PIWIL4: variants seen among roughly 807,000 people sequenced by gnomAD.
PIWIL4 encodes piwi like RNA-mediated gene silencing 4.
A neutral mutation model predicts 100.9 loss-of-function variants in PIWIL4; 50 were observed. That is an observed-to-expected ratio of 0.50 (90% confidence interval 0.39 to 0.63). PIWIL4 has a LOEUF of 0.63. Ranked by LOEUF, PIWIL4 falls within the 20% of genes least tolerant of loss-of-function variation. PIWIL4 has a pLI of 0.00. For synonymous variants in PIWIL4, 342 were observed against 367.5 expected (o/e 0.93, Z 0.79); for missense variants, 887 against 1,043.3 (o/e 0.85, Z 2.06).
chr11:94,574,498 C>A (rs1399025672), intron 2 of PIWIL4, among the ~76,000 whole-genome samples: 2 of 152,140 alleles, frequency 1.3e-5, no homozygotes, highest in African/African-American at 2.4e-5. Flanking sequence ...AGAACTAACT[C>A]AAGATCTGTT....
At position 94,602,031 on chromosome 11, in the gene PIWIL4, T is replaced by C. The variant is rs527575620; in HGVS notation, c.1565+52T>C. On this transcript the variant is annotated intron_variant, in intron 12 of 19. Transcript: ENST00000299001. ...ATATTAATTTGGTTTGGTTAGAAGG[T>C]AGGGAATAATGGCAGATGTATCAAC... 9.8e-5 allele frequency: 148 copies of C among 1,507,122 alleles called. 1 individual carries two copies. The East Asian group carries it at 3.3e-3, about 34-fold the overall frequency. The allele number at this position is 1,507,122 out of a possible 1,614,324, so 93.4% of individuals were successfully genotyped here.
chr11:94,606,558 G>A (rs931779633), intron 13 of PIWIL4, among the ~76,000 whole-genome samples: 3 of 152,158 alleles, frequency 2.0e-5, no homozygotes, highest in South Asian at 4.1e-4. Context: ...GGCCAGGGGC[G>A]GTGGCTCACG....
chr11:94,618,366 C>A (rs543545189), intron 17 of PIWIL4, among the ~76,000 whole-genome samples: 1 of 152,190 alleles, frequency 6.6e-6, no homozygotes, highest in African/African-American at 2.4e-5. Context: ...ACCCTCAGAG[C>A]AGCTGACACA....
chr11:94,571,312 T>C (rs1948149804), intron 2 of PIWIL4, among the ~76,000 whole-genome samples: 2 of 152,206 alleles, frequency 1.3e-5, no homozygotes, highest in African/African-American at 4.8e-5. Flanking sequence ...ATACTTTAAG[T>C]TCAAGGGTAC....
chr11:94,577,895 C>T (rs1948260130), intron 4 of PIWIL4, among the ~76,000 whole-genome samples: 1 of 152,184 alleles, frequency 6.6e-6, no homozygotes, highest in Non-Finnish European at 1.5e-5. Context: ...GAAACTTTTG[C>T]AAACTTACCC....
intron 3 of PIWIL4, among the ~76,000 whole-genome samples, chr11:94,576,423 C>T (rs907568167): frequency 1.6e-4 from 24 of 152,264 alleles, no homozygotes; most frequent in African/African-American, 5.5e-4. Flanking sequence ...TGTGAGCCAC[C>T]GTGCCCAGCC....
chr11:94,572,797 A>T lies in PIWIL4; in HGVS notation c.167-2202A>T, dbSNP rs955927334. ...GTTCTTTTTTGGTTCCATATGAACT[A>T]TAAAGTAGTTTTTTCCAATTCTGTG... On this transcript the variant is annotated intron_variant, in intron 2 of 19. Coordinates refer to ENST00000299001, the MANE Select transcript of PIWIL4 (RefSeq NM_152431.3). Among the ~76,000 whole-genome samples the T allele has an allele frequency of 4.6e-5, 7 of 152,276 alleles. No individual in the cohort carries two copies. The South Asian group carries it at 1.2e-3, about 27-fold the overall frequency.
rs762775635 is a variant in PIWIL4 at position 94,595,395 on chromosome 11, C to T, written c.1237C>T (p.Arg413Cys). ...TCTCAGTCCTTCAGGCCGGCAGCAGCGCCTGGCCAGGCTTGTGGACAACAT... is the reference window on the plus strand; with the variant it reads ...TCTCAGTCCTTCAGGCCGGCAGCAGTGCCTGGCCAGGCTTGTGGACAACAT... ...TRLSPSGRQQ[R>C]LARLVDNIQR... The change falls in exon 10 of 20, where the codon CGC becomes TGC. Residue 413 changes from arginine to cysteine, a missense_variant. Physicochemically the swap from Arg to Cys is radical, Grantham distance 180. Transcript: ENST00000299001. 16 of 1,613,624 alleles carry T rather than the reference C, an allele frequency of 9.9e-6. No individual in the cohort carries two copies. Among genetic ancestry groups the T allele is most frequent in the Middle Eastern group, 1.6e-4 (1 of 6,084 alleles).
chr11:94,618,254 A>C, intron 17 of PIWIL4, 147 bp downstream of exon 17: 1 of 780,554 alleles, frequency 1.3e-6, no homozygotes, highest in Non-Finnish European at 1.9e-6. Flanking sequence ...GAGCTCTATC[A>C]TTTCCTTCAG....
intron 11 of PIWIL4, among the ~76,000 whole-genome samples, chr11:94,601,350 G>C (rs1032872232): frequency 2.8e-5 from 4 of 145,034 alleles, no homozygotes. Context: ...TGTTCTGTAG[G>C]GTGTGTTAGT....
At position 94,598,705 on chromosome 11, in the gene PIWIL4, CTTTTTT is replaced by C. The variant is rs769342028; in HGVS notation, c.1380+806_1380+811del. ...GTAGAATGGGGGGAATTTTTTCCATCTTTTTTTTTTTTTTTTTTTTTGAGACAGGTC... is the reference window on the plus strand; with the variant it reads ...GTAGAATGGGGGGAATTTTTTCCATCTTTTTTTTTTTTTTTGAGACAGGTC... On this transcript the variant is annotated intron_variant, in intron 11 of 19. Transcript: ENST00000299001. 2.7e-5 allele frequency among the ~76,000 whole-genome samples: 3 copies of C among 110,068 alleles called. No homozygotes were observed. The East Asian group carries it at 8.4e-4, about 31-fold the overall frequency. 72.2% of individuals were successfully genotyped at this position (110,068 alleles called of 152,430 possible).
At chr11:94,572,772 G>A (rs1017654925) in intron 2 of PIWIL4, among the ~76,000 whole-genome samples, 7 of 152,188 alleles carry the variant, frequency 4.6e-5, no homozygotes, top group African/African-American at 9.7e-5. Context: ...GGCAATGTGC[G>A]TTCTTTTTTG....
chr11:94,584,122 A>C (rs1018346859), intron 5 of PIWIL4, among the ~76,000 whole-genome samples: 3 of 152,168 alleles, frequency 2.0e-5, no homozygotes, highest in Non-Finnish European at 4.4e-5. Context: ...GGAGCTCCAT[A>C]AAAGGCATAT....
chr11:94,601,690 T>A (rs1948644341), intron 11 of PIWIL4, 105 bp from the exon 12 acceptor site: 1 of 1,072,122 alleles, frequency 9.3e-7, no homozygotes, highest in Admixed American at 2.0e-5. Flanking sequence ...AATAGCAAAC[T>A]GTGTTAAACA....
chr11:94,604,740 C>T (rs553306752), intron 13 of PIWIL4, among the ~76,000 whole-genome samples: 9 of 152,194 alleles, frequency 5.9e-5, no homozygotes, highest in Admixed American at 5.2e-4. Flanking sequence ...AGGGCTTTTC[C>T]TGTCCATTCC....
At chr11:94,608,756 G>T in intron 15 of PIWIL4, 70 bp downstream of exon 15, 1 of 1,285,830 alleles carries the variant, frequency 7.8e-7, no homozygotes, top group Non-Finnish European at 1.1e-6. Context: ...ACTAAAGAAT[G>T]TAACAGCAAG....
At chr11:94,600,212 C>G (rs1317777533) in intron 11 of PIWIL4, among the ~76,000 whole-genome samples, 1 of 152,238 alleles carries the variant, frequency 6.6e-6, no homozygotes, top group African/African-American at 2.4e-5. Context: ...TCCATCCTGG[C>G]TTCATCTTTG....
Position 94,589,207 on chromosome 11 carries a change from T to A in PIWIL4, c.1001T>A (p.Ile334Asn). 2.5e-6 allele frequency: 4 copies of A among 1,608,282 alleles called. No individual in the cohort carries two copies. The highest frequency in any genetic ancestry group is 3.4e-6 in the Non-Finnish European group (4 of 1,174,618). The change falls in exon 8 of 20, where the codon ATC becomes AAC. Residue 334 changes from isoleucine to asparagine, a missense_variant. Transcript: ENST00000299001. ...HTFQKRDGTE[I>N]TYVDYYKQQY... ...TTTCAGAAGCGGGATGGCACCGAGA[T>A]CACCTATGTGGATTACTACAAGCAG...
intron 9 of PIWIL4, among the ~76,000 whole-genome samples, chr11:94,594,084 G>C (rs936714100): frequency 6.6e-6 from 1 of 152,082 alleles, no homozygotes; most frequent in African/African-American, 2.4e-5. Flanking sequence ...CTAACAGGTA[G>C]GCCTAGGAAG....
Sources: allele counts gnomAD v4.1 joint callset (sites outside exome capture counted in the v4.1 genomes callset), GRCh38; gene constraint gnomAD v4.1.1; transcripts MANE v1.5; gene names NCBI Gene and HGNC (gene_info 2026-07-23, HGNC 2026-07-21).